The following TSPEAR variants were observed in gnomAD, a reference collection of about 807,000 sequenced individuals.
TSPEAR encodes thrombospondin-type laminin G domain and EAR repeat-containing protein.
In TSPEAR, 69 loss-of-function variants were observed where a neutral mutation model predicts 71.6. The ratio of observed to expected loss-of-function variants is 0.96; its 90% CI spans 0.79 to 1.18. The LOEUF (loss-of-function observed/expected upper bound fraction) is 1.18, where lower values mean the gene tolerates loss of function less well. Among genes scored for constraint, TSPEAR ranks in the 50% most tolerant of loss-of-function variants. The pLI is 0.00. For missense variants in TSPEAR, 971 were observed against 894.9 expected (o/e 1.09, Z -1.09); for synonymous variants, 402 against 387.2 (o/e 1.04, Z -0.45).
intron 2 of TSPEAR, among the ~76,000 whole-genome samples, chr21:44,542,621 T>G (rs2053238975): frequency 6.6e-6 from 1 of 151,342 alleles, no homozygotes; most frequent in African/African-American, 2.4e-5. Flanking sequence ...TGGTGGTACA[T>G]TTGTAGTCCC....
Position 44,499,802 on chromosome 21 carries a change from A to G in TSPEAR, c.1991T>C (p.Leu664Pro). Residue 664 changes from leucine to proline, a missense_variant, in exon 12 of 12, where the codon CTG becomes CCG. Coordinates refer to ENST00000323084, the MANE Select transcript of TSPEAR (RefSeq NM_144991.3). ...GCGGCCTCAGCGTGTCCTCAGCCGC[A>G]GGACCCTGGAGAGGGGCTCCTTGGC... The part of the protein sequence containing the change: ...SSAKEPLSRV[L>P]RLRTR 6.4e-7 allele frequency: 1 copy of G among 1,573,928 alleles called. No individual in the cohort carries two copies. The highest frequency in any genetic ancestry group is 8.6e-7 in the Non-Finnish European group (1 of 1,161,016).
chr21:44,505,667 A>ATTTGTCCTTTG (rs2052181402), intron 10 of TSPEAR, among the ~76,000 whole-genome samples: 1 of 148,580 alleles, frequency 6.7e-6, no homozygotes, highest in South Asian at 2.2e-4. Context: ...ATCGCACGGT[A>ATTTGTCCTTTG]TTTGTCCTTT....
chr21:44,610,776 GTACCC>G (rs1230821682), intron 1 of TSPEAR, among the ~76,000 whole-genome samples: 6 of 152,208 alleles, frequency 3.9e-5, no homozygotes, highest in African/African-American at 1.2e-4. Context: ...GAGGGAGGCT[GTACCC>G]TGCAAAGCCA....
chr21:44,587,388 A>G (rs1357201368), intron 1 of TSPEAR, among the ~76,000 whole-genome samples: 1 of 152,246 alleles, frequency 6.6e-6, no homozygotes, highest in Non-Finnish European at 1.5e-5. Context: ...TAAATCACAG[A>G]CAACACAAAC....
Position 44,511,277 on chromosome 21 carries a change from CACAA to C in TSPEAR, c.1567-1895_1567-1892del, listed in dbSNP as rs1195929503. Among the ~76,000 whole-genome samples the C allele has an allele frequency of 8.6e-5, 13 of 151,890 alleles. 1 individual carries two copies. Among genetic ancestry groups the C allele is most frequent in the African/African-American group, 1.5e-4 (6 of 41,360 alleles). Reference sequence around the variant, plus strand: ...GCACACCTGCATGTATGCATACATACACAAACATGGATGTGCACTGTGCGCACAC... The same window carrying C: ...GCACACCTGCATGTATGCATACATACACATGGATGTGCACTGTGCGCACAC... On this transcript the variant is annotated intron_variant, in intron 9 of 11. Transcript: ENST00000323084.
chr21:44,562,317 C>G (rs1555921179), intron 2 of TSPEAR, among the ~76,000 whole-genome samples: 1 of 152,038 alleles, frequency 6.6e-6, no homozygotes, highest in African/African-American at 2.4e-5. Flanking sequence ...AATCACTGCT[C>G]AAGGAAATAA....
At chr21:44,704,044 A>G (rs1200495128) in intron 1 of TSPEAR, among the ~76,000 whole-genome samples, 1 of 152,158 alleles carries the variant, frequency 6.6e-6, no homozygotes, top group African/African-American at 2.4e-5. Flanking sequence ...TCTGCCCTGG[A>G]GAGTGTGGGG....
In TSPEAR at chr21:44,551,007, C is replaced by T. The variant is rs78215665; in HGVS notation, c.303+16778G>A. On this transcript the variant is annotated intron_variant, in intron 2 of 11. Coordinates refer to ENST00000323084, the MANE Select transcript of TSPEAR (RefSeq NM_144991.3). Reference sequence around the variant, plus strand: ...GGATGACTCAGAGCAGGTGGGCACGCAGCACACAGCTTTGCAGCAGACAGG... The same window carrying T: ...GGATGACTCAGAGCAGGTGGGCACGTAGCACACAGCTTTGCAGCAGACAGG... 4 of 1,609,262 alleles carry T rather than the reference C, an allele frequency of 2.5e-6. No individual in the cohort carries two copies. In the South Asian group the frequency reaches 3.3e-5, roughly 13 times the overall value.
chr21:44,641,494 G>T (rs1984019325), intron 1 of TSPEAR, among the ~76,000 whole-genome samples: 1 of 152,170 alleles, frequency 6.6e-6, no homozygotes, highest in African/African-American at 2.4e-5. Context: ...AAGAGCCTGA[G>T]ATCTGAGTGG....
At chr21:44,510,461 AG>A (rs1352705270) in intron 9 of TSPEAR, among the ~76,000 whole-genome samples, 5 of 152,164 alleles carry the variant, frequency 3.3e-5, no homozygotes, top group Non-Finnish European at 7.4e-5. Context: ...TCGACCAGCA[AG>A]GGCCCGGCTC....
At chr21:44,630,534 C>T (rs960931084) in intron 1 of TSPEAR, among the ~76,000 whole-genome samples, 1 of 152,170 alleles carries the variant, frequency 6.6e-6, no homozygotes, top group Non-Finnish European at 1.5e-5. Context: ...CATGCATGCC[C>T]ATGATGGGGC....
intron 1 of TSPEAR, among the ~76,000 whole-genome samples, chr21:44,597,777 G>A (rs1980468952): frequency 6.6e-6 from 1 of 152,062 alleles, no homozygotes; most frequent in Admixed American, 6.5e-5. Context: ...GCAGCATGTA[G>A]TTAGGTTTTC....
intron 9 of TSPEAR, among the ~76,000 whole-genome samples, chr21:44,513,406 A>G (rs2052456870): frequency 6.6e-6 from 1 of 152,078 alleles, no homozygotes; most frequent in Non-Finnish European, 1.5e-5. Flanking sequence ...CACATTAGGG[A>G]CTCATAGAGG....
intron 9 of TSPEAR, chr21:44,518,774 T>C: frequency 2.2e-6 from 1 of 448,572 alleles, no homozygotes. Context: ...TGATAACGTT[T>C]CAAATCCCTT....
chr21:44,563,588 C>CAA (rs60058857), intron 2 of TSPEAR, among the ~76,000 whole-genome samples: 1,837 of 151,086 alleles, frequency 0.012, 33 homozygotes, highest in African/African-American at 0.039. Flanking sequence ...ACAGTGGTGA[C>CAA]AAAAAAAACC....
chr21:44,675,525 G>A lies in TSPEAR; in HGVS notation c.82+35908C>T, dbSNP rs587696918. ...TGTAAGAACTGAATGAGACAAGGATGCATTTTTTTTTTTCAGTTTTCATCT... is the reference window on the plus strand; with the variant it reads ...TGTAAGAACTGAATGAGACAAGGATACATTTTTTTTTTTCAGTTTTCATCT... On this transcript the variant is annotated intron_variant, in intron 1 of 11. Transcript: ENST00000323084. Among the ~76,000 whole-genome samples the A allele has an allele frequency of 1.3e-4, 9 of 69,506 alleles. No homozygotes were observed. The South Asian group carries it at 1.6e-3, about 12-fold the overall frequency. 45.6% of individuals were successfully genotyped at this position (69,506 alleles called of 152,430 possible).
intron 1 of TSPEAR, among the ~76,000 whole-genome samples, chr21:44,656,317 T>C (rs1397357270): frequency 6.6e-6 from 1 of 152,256 alleles, no homozygotes; most frequent in Non-Finnish European, 1.5e-5. Context: ...CTCGTCCTAG[T>C]CAACCTAAAG....
intron 1 of TSPEAR, among the ~76,000 whole-genome samples, chr21:44,613,590 C>T (rs1165350709): frequency 6.6e-6 from 1 of 152,178 alleles, no homozygotes; most frequent in African/African-American, 2.4e-5. Context: ...GCCGCCCGCC[C>T]GAGGGTTCTG....
At chr21:44,597,633 C>T (rs408285) in intron 1 of TSPEAR, among the ~76,000 whole-genome samples, 17,475 of 151,786 alleles carry the variant, frequency 0.12, 1,548 homozygotes, top group African/African-American at 0.24. Flanking sequence ...GGCTTTACCA[C>T]GTTGGCCAGG....
Sources: allele counts gnomAD v4.1 joint callset (sites outside exome capture counted in the v4.1 genomes callset), GRCh38; gene constraint gnomAD v4.1.1; transcripts MANE v1.5; gene names NCBI Gene and HGNC (gene_info 2026-07-23, HGNC 2026-07-21).